The following FBXL2 variants were observed in gnomAD, a reference collection of about 807,000 sequenced individuals.
FBXL2 encodes F-box and leucine rich repeat protein 2, also known as F-box/LRR-repeat protein 2.
FBXL2 carries 38 observed loss-of-function variants against 69.2 expected under a neutral mutation model. That is an observed-to-expected ratio of 0.55 (90% CI 0.42 to 0.72). The LOEUF (loss-of-function observed/expected upper bound fraction) is 0.72. Among genes scored for constraint, FBXL2 ranks in the 30% least tolerant of loss-of-function variants. FBXL2 has a pLI of 0.00. For synonymous variants in FBXL2, 192 were observed against 201.3 expected, an observed-to-expected ratio of 0.95 and a Z score of 0.39; for missense variants, 354 against 520.3, an observed-to-expected ratio of 0.68 and a Z score of 3.11.
At chr3:33,295,695 C>T (rs1256285289) in intron 1 of FBXL2, among the ~76,000 whole-genome samples, 1 of 152,220 alleles carries the variant, frequency 6.6e-6, no homozygotes, top group Admixed American at 6.5e-5. Context: ...ATTTTACATT[C>T]CCACCAGCAG....
intron 2 of FBXL2, among the ~76,000 whole-genome samples, chr3:33,338,952 T>C (rs1183903426): frequency 6.6e-6 from 1 of 152,110 alleles, no homozygotes; most frequent in African/African-American, 2.4e-5. Flanking sequence ...AAAGAGCTTC[T>C]GCACAGCAAA....
intron 13 of FBXL2, chr3:33,383,611 AAACTGCT>A (rs2043204806): frequency 4.3e-6 from 1 of 235,240 alleles, no homozygotes; most frequent in African/African-American, 2.2e-5. Flanking sequence ...CTGGCCAATA[AAACTGCT>A]CTCAAGGGGG....
At chr3:33,407,923 G>A (rs994575099), downstream of FBXL2, among the ~76,000 whole-genome samples, 1 of 152,140 alleles carries the variant, frequency 6.6e-6, no homozygotes, top group Admixed American at 6.5e-5. Context: ...CATCGTTTGT[G>A]GACTAATAGA....
intron 2 of FBXL2, among the ~76,000 whole-genome samples, chr3:33,341,049 T>C (rs1226080450): frequency 1.3e-5 from 2 of 152,218 alleles, no homozygotes; most frequent in Non-Finnish European, 2.9e-5. Flanking sequence ...TGTCACCATT[T>C]TACAGCTCTT....
At chr3:33,317,924 A>G (rs1389096705) in intron 2 of FBXL2, among the ~76,000 whole-genome samples, 2 of 152,214 alleles carry the variant, frequency 1.3e-5, no homozygotes, top group Non-Finnish European at 2.9e-5. Context: ...AGGGATACTC[A>G]GCCCATACTT....
At chr3:33,287,919 A>C (rs568978047) in intron 1 of FBXL2, among the ~76,000 whole-genome samples, 32 of 152,312 alleles carry the variant, frequency 2.1e-4, no homozygotes, top group African/African-American at 6.5e-4. Context: ...ATGTTGTCTA[A>C]TGACATCCTG....
intron 2 of FBXL2, chr3:33,317,570 T>A (rs2037821229): frequency 2.2e-6 from 1 of 455,178 alleles, no homozygotes; most frequent in Non-Finnish European, 4.4e-6. Context: ...GATGAGATTC[T>A]GCTAAACAGA....
the FBXL2 span, among the ~76,000 whole-genome samples, chr3:33,420,050 C>CAT: frequency 1.3e-5 from 2 of 152,148 alleles, no homozygotes; most frequent in African/African-American, 4.8e-5. Flanking sequence ...TTTGAAGACA[C>CAT]ATACTCTAGT....
At chr3:33,421,017 G>T in the FBXL2 span, among the ~76,000 whole-genome samples, 1 of 152,242 alleles carries the variant, frequency 6.6e-6, no homozygotes, top group Non-Finnish European at 1.5e-5. Context: ...GTTAGGGGCT[G>T]ATCCAGCAGT....
chr3:33,297,552 A>G (rs2035851795), intron 1 of FBXL2, 112 bp from the exon 2 acceptor site: 2 of 642,904 alleles, frequency 3.1e-6, no homozygotes, highest in South Asian at 3.6e-5. Context: ...GTCACACCCT[A>G]TTTGTAGGAC....
chr3:33,342,001 T>A (rs2040057873), intron 2 of FBXL2, among the ~76,000 whole-genome samples: 2 of 142,000 alleles, frequency 1.4e-5, no homozygotes, highest in Non-Finnish European at 3.0e-5. Flanking sequence ...TTCTTTTCTT[T>A]ATCTTTTTTT....
At chr3:33,304,671 C>A (rs2036568026) in intron 2 of FBXL2, among the ~76,000 whole-genome samples, 1 of 151,940 alleles carries the variant, frequency 6.6e-6, no homozygotes, top group Admixed American at 6.6e-5. Context: ...AGTAGAATTT[C>A]TGAGGGTTAT....
rs768032485 is a variant in FBXL2 at position 33,384,210 on chromosome 3, G to A, written c.1164+9G>A. The A allele has an allele frequency of 2.5e-6, 4 of 1,612,842 alleles. No homozygotes were observed. On this transcript the variant is annotated intron_variant, in intron 14 of 14. Transcript: ENST00000484457. Reference sequence around the variant, plus strand: ...GCATCAAGCGGATGCGGGTAGGTATGGGGCAGGGGAGTCAGTCACACCTGA... The same window carrying A: ...GCATCAAGCGGATGCGGGTAGGTATAGGGCAGGGGAGTCAGTCACACCTGA...
chr3:33,395,766 A>G (rs1437486260), intron 12 of FBXL2, among the ~76,000 whole-genome samples: 5 of 151,238 alleles, frequency 3.3e-5, no homozygotes, highest in Non-Finnish European at 5.9e-5. Flanking sequence ...AAAAAAAAAA[A>G]AAAAAAAGAA....
At chr3:33,381,168 A>C (rs183023910) in intron 13 of FBXL2, among the ~76,000 whole-genome samples, 1 of 152,216 alleles carries the variant, frequency 6.6e-6, no homozygotes, top group African/African-American at 2.4e-5. Context: ...ATGCCAGTAC[A>C]TAAGTTTTTC....
chr3:33,282,404 A>G (rs560921909), intron 1 of FBXL2, among the ~76,000 whole-genome samples: 4 of 152,096 alleles, frequency 2.6e-5, no homozygotes, highest in Admixed American at 1.3e-4. Flanking sequence ...CCATTGGTGT[A>G]TATATCTGTT....
chr3:33,299,344 A>C (rs2036057549), intron 2 of FBXL2, among the ~76,000 whole-genome samples: 1 of 152,112 alleles, frequency 6.6e-6, no homozygotes, highest in African/African-American at 2.4e-5. Flanking sequence ...GCCCGGCCGG[A>C]ATCCTTTTAA....
intron 5 of FBXL2, among the ~76,000 whole-genome samples, chr3:33,368,002 T>A (rs1003920562): frequency 6.6e-6 from 1 of 152,218 alleles, no homozygotes; most frequent in African/African-American, 2.4e-5. Flanking sequence ...AGTTTCCAAA[T>A]ATTTGGACAT....
chr3:33,380,298 G>GT (rs1358524230), intron 13 of FBXL2, among the ~76,000 whole-genome samples: 1 of 151,456 alleles, frequency 6.6e-6, no homozygotes, highest in Non-Finnish European at 1.5e-5. Context: ...GCTCATGCCT[G>GT]TAATCCCCAG....
Sources: allele counts gnomAD v4.1 joint callset (sites outside exome capture counted in the v4.1 genomes callset), GRCh38; gene constraint gnomAD v4.1.1; transcripts MANE v1.5; gene names NCBI Gene and HGNC (gene_info 2026-07-23, HGNC 2026-07-21).